RETREG1: variants seen among roughly 807,000 people sequenced by gnomAD.
RETREG1 encodes family with sequence similarity 134 member B.
A neutral mutation model predicts 54.8 loss-of-function variants in RETREG1; 44 were observed. The ratio of observed to expected loss-of-function variants is 0.80; its 90% CI spans 0.63 to 1.03. The LOEUF (loss-of-function observed/expected upper bound fraction) is 1.03, where lower values mean the gene tolerates loss of function less well. Ranked by LOEUF, RETREG1 falls within the 50% of genes least tolerant of loss-of-function variation. The pLI is 0.00. For missense variants in RETREG1, 554 were observed against 605.1 expected (o/e 0.92, Z 0.89); for synonymous variants, 217 against 238.5 (o/e 0.91, Z 0.83).
chr5:16,551,569 A>G (rs1295555820), intron 3 of RETREG1, among the ~76,000 whole-genome samples: 1 of 152,102 alleles, frequency 6.6e-6, no homozygotes, highest in Non-Finnish European at 1.5e-5. Flanking sequence ...TTACCACCCC[A>G]TGTCACTCTA....
intron 3 of RETREG1, among the ~76,000 whole-genome samples, chr5:16,501,847 G>A (rs1312465868): frequency 6.8e-6 from 1 of 147,886 alleles, no homozygotes; most frequent in Admixed American, 6.8e-5. Flanking sequence ...GCCCAGCCTG[G>A]CCTGCATTTT....
chr5:16,507,376 T>C (rs75876504), intron 3 of RETREG1, among the ~76,000 whole-genome samples: 2,469 of 152,294 alleles, frequency 0.016, 84 homozygotes, highest in African/African-American at 0.057. Flanking sequence ...AATGTTAAAA[T>C]GTCATGAAGG....
At chr5:16,583,292 C>T (rs1008833007) in intron 1 of RETREG1, among the ~76,000 whole-genome samples, 12 of 151,426 alleles carry the variant, frequency 7.9e-5, no homozygotes, top group Admixed American at 7.9e-4. Context: ...CAAGACCAGC[C>T]TGGGCAACAA....
chr5:16,501,336 A>G (rs747832273), intron 3 of RETREG1, among the ~76,000 whole-genome samples: 1 of 152,212 alleles, frequency 6.6e-6, no homozygotes, highest in Non-Finnish European at 1.5e-5. Context: ...TAAAACCAGC[A>G]TTGCATGGTT....
intron 3 of RETREG1, among the ~76,000 whole-genome samples, chr5:16,512,049 T>G (rs187322169): frequency 1.1e-3 from 167 of 152,226 alleles, no homozygotes; most frequent in African/African-American, 3.8e-3. Flanking sequence ...AATCGACAAG[T>G]GTCCCCCCAC....
Position 16,561,762 on chromosome 5 carries a change from A to G in RETREG1, c.458+4001T>C, listed in dbSNP as rs1741863072. 6.6e-6 allele frequency among the ~76,000 whole-genome samples: 1 copy of G among 152,230 alleles called. No homozygotes were observed. Among genetic ancestry groups the G allele is most frequent in the Non-Finnish European group, 1.5e-5 (1 of 68,038 alleles). On this transcript the variant is annotated intron_variant, in intron 3 of 8. Coordinates refer to ENST00000306320, the MANE Select transcript of RETREG1 (RefSeq NM_001034850.3). This position sits in a 1 kb window ranked among gnomAD's most constrained non-coding sequence, Gnocchi z 4.2. ...TCAAACAGCTTCTGTATTAAGAGACAGCACAGCAGAAATTCTCACATGCAA... is the reference window on the plus strand; with the variant it reads ...TCAAACAGCTTCTGTATTAAGAGACGGCACAGCAGAAATTCTCACATGCAA...
chr5:16,494,528 C>T (rs113356699), intron 3 of RETREG1, among the ~76,000 whole-genome samples: 14 of 152,122 alleles, frequency 9.2e-5, no homozygotes, highest in African/African-American at 2.4e-4. Flanking sequence ...GTTTAAAGAA[C>T]GTGTGGCACC....
At chr5:16,496,622 C>T (rs1739469571) in intron 3 of RETREG1, among the ~76,000 whole-genome samples, 1 of 152,062 alleles carries the variant, frequency 6.6e-6, no homozygotes, top group Admixed American at 6.6e-5. Flanking sequence ...TTCCATTACC[C>T]AAAAAAGAAA....
chr5:16,576,294 CTT>C (rs70940380), intron 1 of RETREG1, among the ~76,000 whole-genome samples: 130 of 125,784 alleles, frequency 1.0e-3, no homozygotes, highest in East Asian at 2.5e-3. Context: ...TTTTCTTTTT[CTT>C]TTTTTTTTTT....
intron 3 of RETREG1, among the ~76,000 whole-genome samples, chr5:16,543,544 T>G (rs1041893805): frequency 2.0e-5 from 3 of 151,770 alleles, no homozygotes; most frequent in African/African-American, 7.3e-5. Flanking sequence ...GGTATGGTGG[T>G]GCACGCCTGT....
intron 3 of RETREG1, among the ~76,000 whole-genome samples, chr5:16,535,853 G>A (rs918222441): frequency 2.4e-4 from 34 of 140,022 alleles, no homozygotes; most frequent in Middle Eastern, 4.5e-3. Flanking sequence ...CTGTGTGCAC[G>A]CTGCCTTCAG....
chr5:16,554,460 T>C (rs552943161), intron 3 of RETREG1, among the ~76,000 whole-genome samples: 2 of 152,264 alleles, frequency 1.3e-5, no homozygotes, highest in African/African-American at 4.8e-5. Flanking sequence ...CCTCCCCACA[T>C]TCACCCTGCC....
At chr5:16,603,027 CAAACA>C (rs780683464) in intron 1 of RETREG1, among the ~76,000 whole-genome samples, 13 of 152,012 alleles carry the variant, frequency 8.6e-5, no homozygotes, top group Non-Finnish European at 1.8e-4. Context: ...AACAAACAAA[CAAACA>C]AAACAGAATT....
chr5:16,605,123 T>A (rs1465512623), intron 1 of RETREG1, among the ~76,000 whole-genome samples: 2 of 152,130 alleles, frequency 1.3e-5, no homozygotes, highest in African/African-American at 4.8e-5. Flanking sequence ...AACAAAAGTG[T>A]AATCTAGCAT....
intron 3 of RETREG1, among the ~76,000 whole-genome samples, chr5:16,532,170 G>C (rs1252442126): frequency 6.6e-6 from 1 of 152,144 alleles, no homozygotes; most frequent in Non-Finnish European, 1.5e-5. Flanking sequence ...TAAGGATAAG[G>C]GTATGATATG....
intron 3 of RETREG1, among the ~76,000 whole-genome samples, chr5:16,486,070 C>G (rs1463113059): frequency 6.6e-6 from 1 of 152,110 alleles, no homozygotes; most frequent in Non-Finnish European, 1.5e-5. Context: ...TAAATTTCAT[C>G]ATTACTTACA....
At chr5:16,569,028 T>C (rs1561123804) in intron 2 of RETREG1, among the ~76,000 whole-genome samples, 1 of 152,174 alleles carries the variant, frequency 6.6e-6, no homozygotes, top group Non-Finnish European at 1.5e-5. Flanking sequence ...GCAGTTCTGA[T>C]TGACGCCATG....
rs1476063908 is a variant in RETREG1 at position 16,478,068 on chromosome 5, T to C, written c.839A>G (p.Asp280Gly). 6.2e-7 allele frequency: 1 copy of C among 1,610,978 alleles called. No individual in the cohort carries two copies. Among genetic ancestry groups the C allele is most frequent in the Non-Finnish European group, 8.5e-7 (1 of 1,178,186 alleles). Residue 280 changes from aspartate to glycine, a missense_variant, in exon 7 of 9, where the codon GAC becomes GGC. Coordinates refer to ENST00000306320, the MANE Select transcript of RETREG1 (RefSeq NM_001034850.3). ...AAGAGCTGAAAAGTCTAATTCACTG[T>C]CATCTTTGTGACTTTTTTCTTTGTC... is the stretch of plus-strand genomic sequence containing the variant. ...EADKEKSHKDDSELDFSALCP... is the reference protein window; with the variant it reads ...EADKEKSHKDGSELDFSALCP...
chr5:16,584,242 T>G (rs112292891), intron 1 of RETREG1, among the ~76,000 whole-genome samples: 2,766 of 152,222 alleles, frequency 0.018, 95 homozygotes, highest in African/African-American at 0.064. Context: ...CTAAAGAATT[T>G]ATTCAGGTAA....
Sources: gnomAD v4.1 joint callset for allele counts (sites outside exome capture counted in the v4.1 genomes callset) on GRCh38, gnomAD v4.1.1 for gene constraint, Gnocchi (gnomAD v3.1) non-coding constraint, MANE v1.5 for transcripts, NCBI Gene and HGNC (gene_info 2026-07-23, HGNC 2026-07-21) for gene names.